Variants in TTF1 observed in about 807,000 individuals in gnomAD.
TTF1 encodes transcription termination factor 1, also known as transcription termination factor, RNA polymerase I.
In TTF1, 64 loss-of-function variants were observed where a neutral mutation model predicts 80.2. The ratio of observed to expected loss-of-function variants is 0.80; its 90% CI spans 0.65 to 0.98. The LOEUF (loss-of-function observed/expected upper bound fraction) is 0.98, where lower values mean the gene tolerates loss of function less well. TTF1 is among the 50% of genes least tolerant of loss of function. The pLI is 0.00. For synonymous variants in TTF1, 372 were observed against 382.7 expected, an observed-to-expected ratio of 0.97 and a Z score of 0.33; for missense variants, 1,023 against 1,086.2, an observed-to-expected ratio of 0.94 and a Z score of 0.82.
chr9:132,382,047 G>A (rs962064682), intron 9 of TTF1, among the ~76,000 whole-genome samples: 1 of 152,152 alleles, frequency 6.6e-6, no homozygotes, highest in Non-Finnish European at 1.5e-5. Flanking sequence ...CATGATGCTC[G>A]GCAACACGTA....
At chr9:132,390,334 A>G (rs1332504322) in intron 7 of TTF1, among the ~76,000 whole-genome samples, 1 of 152,206 alleles carries the variant, frequency 6.6e-6, no homozygotes, top group Non-Finnish European at 1.5e-5. Context: ...AAAGACTTAG[A>G]AAGAGTGAAG....
At chr9:132,402,864 CT>C (rs754648399) in intron 1 of TTF1, 36 bp from the exon 2 acceptor site, 174 of 1,514,518 alleles carry the variant, frequency 1.1e-4, no homozygotes, top group Admixed American at 3.1e-4. Flanking sequence ...TTTATTTTTG[CT>C]TTTTTTTTGA....
Position 132,402,471 on chromosome 9 carries a change from C to G in TTF1, c.351G>C (p.Lys117Asn), listed in dbSNP as rs1446016523. The change falls in exon 2 of 11, where the codon AAG becomes AAC. Residue 117 changes from lysine (K) to asparagine (N), a missense_variant. Physicochemically the swap from Lys to Asn is moderately conservative, Grantham distance 94 (BLOSUM62 0). Transcript: ENST00000334270. ...VDKENINNTP[K>N]HFRKDVDVVC... ...CAACATCAACATCCTTTCTAAAATG[C>G]TTTGGTGTGTTGTTAATATTTTCTT... 7.4e-6 allele frequency: 12 copies of G among 1,614,068 alleles called. No individual in the cohort carries two copies. Among genetic ancestry groups the G allele is most frequent in the Non-Finnish European group, 9.3e-6 (11 of 1,180,050 alleles).
chr9:132,391,260 A>G (rs775253973), intron 6 of TTF1, among the ~76,000 whole-genome samples: 1 of 152,190 alleles, frequency 6.6e-6, no homozygotes, highest in Non-Finnish European at 1.5e-5. Context: ...ACAGTACTTG[A>G]TGAAGGCACC....
At chr9:132,393,577 T>C (rs1849597844) in intron 5 of TTF1, among the ~76,000 whole-genome samples, 1 of 152,244 alleles carries the variant, frequency 6.6e-6, no homozygotes, top group Non-Finnish European at 1.5e-5. Context: ...ACAATGCTAA[T>C]GACTGGCTTG....
Position 132,398,421 on chromosome 9 carries a change from C to T in TTF1, c.1592-95G>A, listed in dbSNP as rs569460972. On this transcript the variant is annotated intron_variant, in intron 3 of 10. Coordinates refer to ENST00000334270, the MANE Select transcript of TTF1 (RefSeq NM_007344.4). ...TTTTTCATCAGCAATGACAGTACCT[C>T]GGCCCAACAGTCCCAACACCTGACA... is the stretch of plus-strand genomic sequence containing the variant. 28 of 1,302,456 alleles carry T rather than the reference C, an allele frequency of 2.1e-5. No homozygotes were observed. The South Asian group carries it at 2.8e-4, about 13-fold the overall frequency. 80.7% of individuals were successfully genotyped at this position (1,302,456 alleles called of 1,614,324 possible). A position where few individuals can be genotyped will look rare whatever the true frequency, so the allele number is the denominator to read the frequency against.
chr9:132,403,520 T>TCCTG, intron 1 of TTF1, among the ~76,000 whole-genome samples: 1 of 152,100 alleles, frequency 6.6e-6, no homozygotes, highest in East Asian at 1.9e-4. Context: ...CCTCCTTGCC[T>TCCTG]CCTGCCATCC....
chr9:132,401,512 G>A lies in TTF1; in HGVS notation c.1310C>T (p.Pro437Leu). 1 of 1,614,018 alleles carries A rather than the reference G, an allele frequency of 6.2e-7. No individual in the cohort carries two copies. Among genetic ancestry groups the A allele is most frequent in the Non-Finnish European group, 8.5e-7 (1 of 1,180,004 alleles). The part of the protein sequence containing the change: ...AMMEEGVKSR[P>L]RQKKTQACLA... ...ACAGGCCTGGGTTTTCTTTTGTCGG[G>A]GCCTAGATTTCACACCTTCTTCCAT... Residue 437 changes from proline (P) to leucine (L), a missense_variant, in exon 2 of 11, where the codon CCC (proline) becomes CTC (leucine). By Grantham distance (98) the Pro-to-Leu change is moderately conservative. Transcript: ENST00000334270.
At chr9:132,383,290 T>A (rs1346051712) in intron 9 of TTF1, among the ~76,000 whole-genome samples, 1 of 150,288 alleles carries the variant, frequency 6.7e-6, no homozygotes. Context: ...AATGGAACAA[T>A]TATTAAAGGG....
At chr9:132,377,889 G>GTGCATGTGGTGTGTGTGAA in intron 10 of TTF1, among the ~76,000 whole-genome samples, 1 of 128,122 alleles carries the variant, frequency 7.8e-6, no homozygotes, top group Non-Finnish European at 1.6e-5. Flanking sequence ...GTGTGTGTGA[G>GTGCATGTGGTGTGTGTGAA]TGCATGTGGT....
intron 10 of TTF1, 138 bp from the exon 11 acceptor site, chr9:132,376,306 AC>A: frequency 1.1e-6 from 1 of 943,378 alleles, no homozygotes; most frequent in Non-Finnish European, 1.5e-6. Flanking sequence ...CAATTGGTTT[AC>A]CCACATTCAC....
At chr9:132,394,088 A>AT (rs1849605777) in intron 5 of TTF1, among the ~76,000 whole-genome samples, 4 of 151,488 alleles carry the variant, frequency 2.6e-5, no homozygotes, top group African/African-American at 9.7e-5. Flanking sequence ...TAATTTTTGT[A>AT]TTTTTTGTAG....
rs372186441 is a variant in TTF1 at position 132,402,552 on chromosome 9, T to A, written c.270A>T (p.Arg90Ser). 3.1e-6 allele frequency: 5 copies of A among 1,614,086 alleles called. No homozygotes were observed. The highest frequency in any genetic ancestry group is 1.3e-5 in the African/African-American group (1 of 74,920). ...TSTLKKRKKR[R>S]YSALEVDEEA... ...CCTCGTCCACCTCCAAAGCACTATA[T>A]CTTCTCTTTTTTCTCTTTTTGAGTG... The change falls in exon 2 of 11, where the codon AGA becomes AGT. Residue 90 changes from arginine to serine, a missense_variant. Coordinates refer to ENST00000334270, the MANE Select transcript of TTF1 (RefSeq NM_007344.4).
Position 132,398,328 on chromosome 9 carries a change from T to C in TTF1, c.1592-2A>G. ...ACTTGCCAAATTTAATAGCGACACCTAGAATTGGGAAGGAACAGGGAGAAA... is the reference window on the plus strand; with the variant it reads ...ACTTGCCAAATTTAATAGCGACACCCAGAATTGGGAAGGAACAGGGAGAAA... On this transcript the variant is annotated splice_acceptor_variant, in intron 3 of 10. Transcript: ENST00000334270. LOFTEE classifies it high-confidence loss of function. 1 of 1,600,274 alleles carries C rather than the reference T, an allele frequency of 6.2e-7. No individual in the cohort carries two copies. The highest frequency in any genetic ancestry group is 8.5e-7 in the Non-Finnish European group (1 of 1,176,458).
chr9:132,394,854 C>T (rs569220908), intron 5 of TTF1, among the ~76,000 whole-genome samples: 1 of 150,492 alleles, frequency 6.6e-6, no homozygotes, highest in South Asian at 2.1e-4. Context: ...GTTCGCACCA[C>T]TGCACTCCAG....
In TTF1 at chr9:132,406,774, G is replaced by T. The variant is rs1196872347; in HGVS notation, c.-8+16C>A. Reference sequence around the variant, plus strand: ...CATTTTGAAAAACAGAAACAACAAAGGCGCTTTCAACTTACCCTCCGAAAG... The same window carrying T: ...CATTTTGAAAAACAGAAACAACAAATGCGCTTTCAACTTACCCTCCGAAAG... On this transcript the variant is annotated intron_variant, in intron 1 of 10. Transcript: ENST00000334270. The T allele has an allele frequency of 6.6e-6, 1 of 152,122 alleles. No individual in the cohort carries two copies. 9.4% of individuals were successfully genotyped at this position (152,122 alleles called of 1,614,324 possible).
rs1849793926 is a variant in TTF1 at position 132,402,848 on chromosome 9, CA to C, written c.-7-21del. ...TTATTCCTATATGGAAATGTGACAA[CA>C]ATGGTTTATTTTTGCTTTTTTTTTG... On this transcript the variant is annotated intron_variant, in intron 1 of 10. Coordinates refer to ENST00000334270, the MANE Select transcript of TTF1 (RefSeq NM_007344.4). 1 of 1,550,176 alleles carries C rather than the reference CA, an allele frequency of 6.5e-7. No individual in the cohort carries two copies. The highest frequency in any genetic ancestry group is 1.4e-5 in the African/African-American group (1 of 72,082).
intron 10 of TTF1, among the ~76,000 whole-genome samples, chr9:132,376,732 A>C (rs1459852623): frequency 6.8e-6 from 1 of 148,064 alleles, no homozygotes. Flanking sequence ...GTGCGATCAC[A>C]CTCACTGAAG....
At chr9:132,388,306 T>A in intron 7 of TTF1, 78 bp from the exon 8 acceptor site, 1 of 1,044,128 alleles carries the variant, frequency 9.6e-7, no homozygotes. Context: ...TTTTCTTATC[T>A]AAATTGCTCT....
Sources: gnomAD v4.1 joint callset for allele counts (sites outside exome capture counted in the v4.1 genomes callset) on GRCh38, gnomAD v4.1.1 for gene constraint, MANE v1.5 for transcripts, NCBI Gene and HGNC (gene_info 2026-07-23, HGNC 2026-07-21) for gene names.